Variants in GALM observed in about 807,000 individuals in gnomAD.
GALM encodes aldose 1-epimerase.
In GALM, 43 loss-of-function variants were observed where a neutral mutation model predicts 37.4. The ratio of observed to expected loss-of-function variants is 1.15; its 90% CI spans 0.90 to 1.48. The LOEUF (loss-of-function observed/expected upper bound fraction) is 1.48. GALM is among the 40% of genes most tolerant of loss of function. The pLI, the probability that GALM is intolerant of heterozygous loss-of-function variation, is 0.00. For synonymous variants in GALM, 199 were observed against 170.6 expected (o/e 1.17, Z -1.30); for missense variants, 456 against 419.1 (o/e 1.09, Z -0.77).
At chr2:38,686,311 G>C (rs1210652585) in intron 3 of GALM, among the ~76,000 whole-genome samples, 1 of 109,852 alleles carries the variant, frequency 9.1e-6, no homozygotes, top group Non-Finnish European at 2.0e-5. Flanking sequence ...TGTCTCCCAG[G>C]CTGGAGTGCA....
chr2:38,679,983 A>G (rs1665355730), intron 2 of GALM: 4 of 448,380 alleles, frequency 8.9e-6, no homozygotes, highest in African/African-American at 2.0e-5. Context: ...CAAGATTCCA[A>G]TTCCTATTTC....
Position 38,666,341 on chromosome 2 carries a change from C to T in GALM, c.180C>T (p.Ala60=), listed in dbSNP as rs765774805. The T allele has an allele frequency of 9.9e-6, 16 of 1,611,104 alleles. No individual in the cohort carries two copies. The highest frequency in any genetic ancestry group is 1.7e-5 in the Admixed American group (1 of 59,764). Residue 60 remains alanine, a synonymous_variant, in exon 1 of 7, where the codon GCC becomes GCT. Coordinates refer to ENST00000272252, the MANE Select transcript of GALM (RefSeq NM_138801.3). ...GRASDVVLGF[A]ELEGYLQKQP... ...CCTCGGACGTGGTGCTTGGCTTCGCCGAGTTGGAAGGTGGGTTGAACTGTG... is the reference window on the plus strand; with the variant it reads ...CCTCGGACGTGGTGCTTGGCTTCGCTGAGTTGGAAGGTGGGTTGAACTGTG...
intron 5 of GALM, among the ~76,000 whole-genome samples, chr2:38,730,637 C>A (rs867377850): frequency 9.9e-5 from 15 of 151,808 alleles, no homozygotes; most frequent in Admixed American, 1.3e-4. Flanking sequence ...AGACCTTCTC[C>A]GGGCTGGGCG....
intron 4 of GALM, among the ~76,000 whole-genome samples, chr2:38,693,469 C>G (rs868226451): frequency 6.0e-5 from 8 of 133,514 alleles, no homozygotes; most frequent in African/African-American, 1.2e-4. Flanking sequence ...GGAAACAGAG[C>G]GAGACTCTGC....
rs1665727015 is a variant in GALM at position 38,693,464 on chromosome 2, C to T, written c.634+3570C>T. 2.3e-5 allele frequency among the ~76,000 whole-genome samples: 3 copies of T among 132,544 alleles called. No individual in the cohort carries two copies. In the South Asian group the frequency reaches 7.2e-4, roughly 32 times the overall value. The allele number at this position is 132,544 out of a possible 152,430, so 87.0% of individuals were successfully genotyped here. ...CGCCACTTTACTCCAGCCTGGGAAACAGAGCGAGACTCTGCTTCCAAAAAA... is the reference window on the plus strand; with the variant it reads ...CGCCACTTTACTCCAGCCTGGGAAATAGAGCGAGACTCTGCTTCCAAAAAA... On this transcript the variant is annotated intron_variant, in intron 4 of 6. Coordinates refer to ENST00000272252, the MANE Select transcript of GALM (RefSeq NM_138801.3).
intron 3 of GALM, among the ~76,000 whole-genome samples, chr2:38,686,216 G>A (rs1164311411): frequency 1.0e-5 from 1 of 98,420 alleles, no homozygotes; most frequent in Non-Finnish European, 2.1e-5. Flanking sequence ...CACAGAAAGT[G>A]GAAATTTCTT....
chr2:38,700,520 G>A lies in GALM; in HGVS notation c.634+10626G>A, dbSNP rs553272706. Among the ~76,000 whole-genome samples, 11 of 151,550 alleles carry A rather than the reference G, an allele frequency of 7.3e-5. No homozygotes were observed. The East Asian group carries it at 7.8e-4, about 11-fold the overall frequency. On this transcript the variant is annotated intron_variant, in intron 4 of 6. Coordinates refer to ENST00000272252, the MANE Select transcript of GALM (RefSeq NM_138801.3). ...TTTTTTTAATCGTTTTTTACTTGAC[G>A]TCTGTTTCATCTGATACAAGTACAG...
chr2:38,696,273 C>T lies in GALM; in HGVS notation c.634+6379C>T, dbSNP rs906287083. ...TAGCTGGGATTACAGGCATGTGCCA[C>T]CACACCTGGCTAATTTTGTATTTTT... On this transcript the variant is annotated intron_variant, in intron 4 of 6. Coordinates refer to ENST00000272252, the MANE Select transcript of GALM (RefSeq NM_138801.3). Among the ~76,000 whole-genome samples the T allele has an allele frequency of 2.6e-5, 4 of 151,826 alleles. No individual in the cohort carries two copies. In the South Asian group the frequency reaches 8.3e-4, roughly 32 times the overall value.
At chr2:38,696,117 G>C (rs13425008) in intron 4 of GALM, among the ~76,000 whole-genome samples, 76 of 151,208 alleles carry the variant, frequency 5.0e-4, no homozygotes, top group African/African-American at 1.7e-3. Context: ...AAAAAGTGTA[G>C]AGATTTTTTT....
intron 2 of GALM, chr2:38,680,106 C>T: frequency 2.2e-6 from 1 of 450,506 alleles, no homozygotes; most frequent in Non-Finnish European, 4.4e-6. Flanking sequence ...GCAGCCTCAA[C>T]CTCCTGGGCT....
intron 3 of GALM, among the ~76,000 whole-genome samples, chr2:38,682,562 G>T (rs912596373): frequency 1.3e-5 from 2 of 152,020 alleles, no homozygotes; most frequent in African/African-American, 4.8e-5. Flanking sequence ...CTTCACTTGC[G>T]GGTTCCTTAT....
chr2:38,667,278 T>C (rs1397140955), intron 1 of GALM, among the ~76,000 whole-genome samples: 3 of 152,066 alleles, frequency 2.0e-5, no homozygotes, highest in African/African-American at 7.2e-5. Flanking sequence ...GAGAGGAGGT[T>C]TGAGGTTTTC....
At chr2:38,691,762 A>C (rs746378299) in intron 4 of GALM, among the ~76,000 whole-genome samples, 8 of 150,048 alleles carry the variant, frequency 5.3e-5, no homozygotes, top group Non-Finnish European at 1.0e-4. Flanking sequence ...ACTACCATTT[A>C]TAATCACCAT....
chr2:38,677,363 G>A (rs1173396415), intron 2 of GALM, among the ~76,000 whole-genome samples: 6 of 152,174 alleles, frequency 3.9e-5, no homozygotes, highest in Admixed American at 3.9e-4. Flanking sequence ...TCCTGCAGAA[G>A]GAGGCTTCCC....
At chr2:38,728,686 A>AAAAACAAAAC (rs70954748) in intron 4 of GALM, among the ~76,000 whole-genome samples, 80,245 of 150,420 alleles carry the variant, frequency 0.53, 20,378 homozygotes, top group East Asian at 0.78. Context: ...CTCCATCTCA[A>AAAAACAAAAC]AAAACAAAAC....
intron 4 of GALM, among the ~76,000 whole-genome samples, chr2:38,706,865 T>TAA (rs563496294): frequency 2.4e-5 from 1 of 42,222 alleles, no homozygotes; most frequent in Non-Finnish European, 4.2e-5. Context: ...TCCATCTCTT[T>TAA]AAAAAAAAAA....
chr2:38,726,808 A>G (rs1392522469), intron 4 of GALM, among the ~76,000 whole-genome samples: 1 of 151,886 alleles, frequency 6.6e-6, no homozygotes, highest in Non-Finnish European at 1.5e-5. Flanking sequence ...AGGCAGAAGA[A>G]TCGCTTGAAC....
chr2:38,696,836 C>G (rs536415382), intron 4 of GALM, among the ~76,000 whole-genome samples: 27 of 129,530 alleles, frequency 2.1e-4, no homozygotes, highest in African/African-American at 8.0e-4. Context: ...GTCAACCAGG[C>G]TGGAGTGCAG....
intron 1 of GALM, chr2:38,671,535 C>T (rs775098627): frequency 6.6e-6 from 1 of 152,108 alleles, no homozygotes; most frequent in African/African-American, 2.4e-5. Context: ...GGGGAACCGC[C>T]CCCCTGATCC....
Sources: allele counts gnomAD v4.1 joint callset (sites outside exome capture counted in the v4.1 genomes callset), GRCh38; gene constraint gnomAD v4.1.1; transcripts MANE v1.5; gene names NCBI Gene and HGNC (gene_info 2026-07-23, HGNC 2026-07-21).